The following SDC1 variants were observed in gnomAD, a reference collection of about 807,000 sequenced individuals.
SDC1 encodes the protein syndecan-1.
A neutral mutation model predicts 29.7 loss-of-function variants in SDC1; 14 were observed. That is an observed-to-expected ratio of 0.47 (90% CI 0.31 to 0.74). The LOEUF is 0.74. SDC1 is among the 30% of genes least tolerant of loss of function. The pLI is 0.05. For synonymous variants in SDC1, 204 were observed against 175.5 expected (o/e 1.16, Z -1.29); for missense variants, 406 against 400.3 (o/e 1.01, Z -0.12).
chr2:20,223,302 G>C (rs567289607), intron 1 of SDC1: 1,567 of 1,293,214 alleles, frequency 1.2e-3, no homozygotes, highest in Middle Eastern at 0.01. Context: ...AAAAACCAAA[G>C]CGCTCAATAA....
chr2:20,202,916 G>A lies in SDC1; in HGVS notation c.783C>T (p.Leu261=), dbSNP rs1252121855. The A allele has an allele frequency of 5.0e-6, 8 of 1,612,152 alleles. No individual in the cohort carries two copies. The highest frequency in any genetic ancestry group is 4.0e-5 in the African/African-American group (3 of 74,854). Reference sequence around the variant, plus strand: ...GGCACACAGCAAAGATGAGCCCCACGAGGCCTCCGGCAATGACCCCTAGGG... The same window carrying A: ...GGCACACAGCAAAGATGAGCCCCACAAGGCCTCCGGCAATGACCCCTAGGG... ...EVLGGVIAGG[L]VGLIFAVCLV... is the part of the protein sequence containing the mutation. Residue 261 remains leucine, a synonymous_variant, in exon 5 of 5, where the codon CTC becomes CTT. Transcript: ENST00000254351.
At chr2:20,219,000 G>A (rs1677726285) in intron 1 of SDC1, among the ~76,000 whole-genome samples, 5 of 152,202 alleles carry the variant, frequency 3.3e-5, no homozygotes, top group Admixed American at 3.3e-4. Flanking sequence ...GGGGCTCCCA[G>A]TGGGGAGAGG....
At chr2:20,204,956 A>T (rs80255318) in intron 2 of SDC1, among the ~76,000 whole-genome samples, 1 of 152,240 alleles carries the variant, frequency 6.6e-6, no homozygotes, top group Non-Finnish European at 1.5e-5. Context: ...CAGCTCCACA[A>T]GCTTATCAGG....
At chr2:20,211,975 C>T (rs532246170) in intron 1 of SDC1, among the ~76,000 whole-genome samples, 2 of 152,374 alleles carry the variant, frequency 1.3e-5, no homozygotes, top group East Asian at 3.9e-4. Flanking sequence ...CTGGAATCCG[C>T]CATGCGGCTC....
chr2:20,214,206 T>C (rs916081841), intron 1 of SDC1, among the ~76,000 whole-genome samples: 3 of 152,194 alleles, frequency 2.0e-5, no homozygotes, highest in African/African-American at 7.2e-5. Flanking sequence ...AGAAATTCTC[T>C]TTGCTCTTCC....
chr2:20,217,663 C>T (rs949878036), intron 1 of SDC1, among the ~76,000 whole-genome samples: 10 of 152,156 alleles, frequency 6.6e-5, no homozygotes, highest in African/African-American at 1.4e-4. Context: ...TGCCTCGTGC[C>T]GGCCCCCAGA....
At chr2:20,215,707 ATGAGGAAAC>A (rs1677606426) in intron 1 of SDC1, among the ~76,000 whole-genome samples, 1 of 152,246 alleles carries the variant, frequency 6.6e-6, no homozygotes, top group Admixed American at 6.5e-5. Context: ...CATTTTACAG[ATGAGGAAAC>A]TGAGGCTGGG....
rs1167070215 is a variant in SDC1 at position 20,224,026 on chromosome 2, G to A, written c.66+776C>T. Among the ~76,000 whole-genome samples, 1 of 152,178 alleles carries A rather than the reference G, an allele frequency of 6.6e-6. No individual in the cohort carries two copies. The highest frequency in any genetic ancestry group is 1.5e-5 in the Non-Finnish European group (1 of 68,012). On this transcript the variant is annotated intron_variant, in intron 1 of 4. Transcript: ENST00000254351. The surrounding 1 kb of genome is among the most constrained non-coding windows in gnomAD (Gnocchi z 4.9). Reference sequence around the variant, plus strand: ...CCGGGGAGCGGGAGGCCATTCCCGGGTCCCCTCGCGTGGAAGGCGCCTGCG... The same window carrying A: ...CCGGGGAGCGGGAGGCCATTCCCGGATCCCCTCGCGTGGAAGGCGCCTGCG...
rs1366244428 is a variant in SDC1, at chr2:20,201,239, C to T, written c.*1527G>A. On this transcript the variant is annotated 3_prime_UTR_variant, in exon 5 of 5. Coordinates refer to ENST00000254351, the MANE Select transcript of SDC1 (RefSeq NM_002997.5). The stretch of plus-strand genomic sequence containing the variant: ...TTCCTTTGCCATTTAGAAGATGGGG[C>T]TTGGAGCTTGGCAACACAGAAATTG... 1 of 152,222 alleles carries T rather than the reference C, an allele frequency of 6.6e-6. No individual in the cohort carries two copies. The highest frequency in any genetic ancestry group is 1.5e-5 in the Non-Finnish European group (1 of 68,064). The allele number at this position is 152,222 out of a possible 1,614,324, so 9.4% of individuals were successfully genotyped here.
chr2:20,217,826 C>T (rs955864846), intron 1 of SDC1, among the ~76,000 whole-genome samples: 2 of 152,162 alleles, frequency 1.3e-5, no homozygotes, highest in East Asian at 1.9e-4. Context: ...TGCTGCTGAG[C>T]GGACCTCGGG....
chr2:20,225,224 G>A (rs1174720107), upstream of SDC1: 4 of 164,354 alleles, frequency 2.4e-5, no homozygotes, highest in Admixed American at 6.8e-5. Flanking sequence ...CGGCCCCTTC[G>A]GAACGCCCCA....
rs1355899913 is a variant in SDC1 at position 20,224,925 on chromosome 2, G to T, written c.-58C>A. ...CTGCGCGGGTCGCGGCTGCGGGCCGGCTTCGCGGGTTCCGCTGCTCGATGC... is the reference window on the plus strand; with the variant it reads ...CTGCGCGGGTCGCGGCTGCGGGCCGTCTTCGCGGGTTCCGCTGCTCGATGC... On this transcript the variant is annotated 5_prime_UTR_variant, in exon 1 of 5. Transcript: ENST00000254351. The surrounding 1 kb of genome is among the most constrained non-coding windows in gnomAD (Gnocchi z 4.9). 7 of 1,203,452 alleles carry T rather than the reference G, an allele frequency of 5.8e-6. No homozygotes were observed. The highest frequency in any genetic ancestry group is 7.2e-6 in the Non-Finnish European group (7 of 970,274). 74.5% of individuals were successfully genotyped at this position (1,203,452 alleles called of 1,614,324 possible).
rs992160285 is a variant in SDC1, at chr2:20,203,184, T to C, written c.666A>G (p.Val222=). The part of the protein sequence containing the change: ...TFETSGENTA[V]VAVEPDRRNQ... ...TCCGGCGGTCAGGCTCCACGGCCAC[T>C]ACAGCCGTATTCTCCCCCGAGGTTT... The change falls in exon 4 of 5, where the codon GTA becomes GTG. Residue 222 remains valine (V), a synonymous_variant. Coordinates refer to ENST00000254351, the MANE Select transcript of SDC1 (RefSeq NM_002997.5). The C allele has an allele frequency of 6.2e-7, 1 of 1,612,370 alleles. No homozygotes were observed. The highest frequency in any genetic ancestry group is 8.5e-7 in the Non-Finnish European group (1 of 1,179,160).
At chr2:20,221,094 A>G (rs1677801503) in intron 1 of SDC1, among the ~76,000 whole-genome samples, 1 of 151,944 alleles carries the variant, frequency 6.6e-6, no homozygotes, top group Admixed American at 6.6e-5. Context: ...CCTCTTTGTT[A>G]CTCTAGGTGG....
rs1677101571 is a variant in SDC1, at chr2:20,203,191, G to A, written c.659C>T (p.Thr220Met). ...DFTFETSGEN[T>M]AVVAVEPDRR... The stretch of plus-strand genomic sequence containing the variant: ...GTCAGGCTCCACGGCCACTACAGCC[G>A]TATTCTCCCCCGAGGTTTCAAAGGT... The change falls in exon 4 of 5, where the codon ACG becomes ATG. Residue 220 changes from threonine to methionine, a missense_variant. By Grantham distance (81) the Thr-to-Met change is moderately conservative. Transcript: ENST00000254351. 8 of 1,611,378 alleles carry A rather than the reference G, an allele frequency of 5.0e-6. No individual in the cohort carries two copies. The highest frequency in any genetic ancestry group is 2.2e-5 in the East Asian group (1 of 44,786).
At position 20,217,008 on chromosome 2, in the gene SDC1, G is replaced by A. The variant is rs181761775; in HGVS notation, c.66+7794C>T. ...ACCTTTGGAGATCCATGGTGCACAC[G>A]AGTGGTCCTAGAGCAGGACTGGCAG... On this transcript the variant is annotated intron_variant, in intron 1 of 4. Coordinates refer to ENST00000254351, the MANE Select transcript of SDC1 (RefSeq NM_002997.5). Among the ~76,000 whole-genome samples, 21 of 152,270 alleles carry A rather than the reference G, an allele frequency of 1.4e-4. No individual in the cohort carries two copies. The East Asian group carries it at 2.1e-3, about 15-fold the overall frequency.
rs776416247 is a variant in SDC1, at chr2:20,203,946, G to A, written c.494C>T (p.Ser165Leu). Residue 165 changes from serine to leucine, a missense_variant, in exon 3 of 5, where the codon TCA becomes TTA. Transcript: ENST00000254351. ...RDMQPGHHET[S>L]TPAGPSQADL... ...AGCTTGGCTGGGTCCTGCAGGGGTT[G>A]AGGTCTCATGGTGGCCAGGCTGCAT... The A allele has an allele frequency of 3.1e-6, 5 of 1,613,952 alleles. No homozygotes were observed. Among genetic ancestry groups the A allele is most frequent in the Middle Eastern group, 1.6e-4 (1 of 6,082 alleles).
intron 1 of SDC1, among the ~76,000 whole-genome samples, chr2:20,208,914 T>C (rs1430364832): frequency 6.6e-6 from 1 of 152,202 alleles, no homozygotes; most frequent in Non-Finnish European, 1.5e-5. Context: ...CATTCTGTTG[T>C]TCAAAGCAAG....
At chr2:20,223,625 C>T (rs891750435) in intron 1 of SDC1, among the ~76,000 whole-genome samples, 2 of 152,154 alleles carry the variant, frequency 1.3e-5, no homozygotes, top group African/African-American at 4.8e-5. Context: ...CGAACTCGGG[C>T]GGCAGACTCG....
Sources: gnomAD v4.1 joint callset for allele counts (sites outside exome capture counted in the v4.1 genomes callset) on GRCh38, gnomAD v4.1.1 for gene constraint, Gnocchi (gnomAD v3.1) non-coding constraint, MANE v1.5 for transcripts, NCBI Gene and HGNC (gene_info 2026-07-23, HGNC 2026-07-21) for gene names.